Variants in SIPA1L3 observed in about 807,000 individuals in gnomAD.
SIPA1L3 encodes signal-induced proliferation-associated 1-like protein 3.
Under a neutral mutation model 150.1 loss-of-function variants are expected in SIPA1L3, and 59 were observed. The ratio of observed to expected loss-of-function variants is 0.39; its 90% CI spans 0.32 to 0.49. SIPA1L3 has a LOEUF of 0.49. Among genes scored for constraint, SIPA1L3 ranks in the 20% least tolerant of loss-of-function variants. The probability of loss-of-function intolerance (pLI) is 0.86; values close to 1 mark genes in which losing one functional copy is unlikely to be tolerated. For synonymous variants in SIPA1L3, 1,070 were observed against 1,077.6 expected, an observed-to-expected ratio of 0.99 and a Z score of 0.14; for missense variants, 2,211 against 2,489.5, an observed-to-expected ratio of 0.89 and a Z score of 2.38.
chr19:38,148,654 G>C (rs926824330), intron 12 of SIPA1L3, among the ~76,000 whole-genome samples: 2 of 152,086 alleles, frequency 1.3e-5, no homozygotes, highest in Non-Finnish European at 2.9e-5. Context: ...CTCTCTGCCC[G>C]GCGAGGCTCC....
chr19:38,006,017 G>A (rs1160552004), intron 1 of SIPA1L3, among the ~76,000 whole-genome samples: 1 of 152,212 alleles, frequency 6.6e-6, no homozygotes, highest in African/African-American at 2.4e-5. Context: ...AAGCCTGGGC[G>A]ACAGAGTGAG....
intron 2 of SIPA1L3, among the ~76,000 whole-genome samples, chr19:38,032,739 A>G (rs975418133): frequency 1.3e-5 from 2 of 152,044 alleles, no homozygotes; most frequent in African/African-American, 4.8e-5. Flanking sequence ...CTGTAATCCT[A>G]GCTACTTGAG....
At chr19:38,146,945 CTAAA>C (rs1395145719) in intron 12 of SIPA1L3, among the ~76,000 whole-genome samples, 3 of 152,176 alleles carry the variant, frequency 2.0e-5, no homozygotes, top group Non-Finnish European at 4.4e-5. Flanking sequence ...TTTGGACATT[CTAAA>C]TACAAGTCCT....
chr19:38,000,922 AC>A (rs1045588188), intron 1 of SIPA1L3, among the ~76,000 whole-genome samples: 28 of 105,930 alleles, frequency 2.6e-4, no homozygotes, highest in Non-Finnish European at 4.4e-4. Context: ...CATATATATA[AC>A]ATATATATAA....
At chr19:38,093,672 C>T (rs992731028) in intron 4 of SIPA1L3, among the ~76,000 whole-genome samples, 5 of 151,992 alleles carry the variant, frequency 3.3e-5, no homozygotes, top group African/African-American at 1.2e-4. Flanking sequence ...GCATAGGGGC[C>T]AGAGCGAGAG....
At chr19:37,924,284 T>C (rs1335488255) in intron 1 of SIPA1L3, among the ~76,000 whole-genome samples, 1 of 152,140 alleles carries the variant, frequency 6.6e-6, no homozygotes, top group Non-Finnish European at 1.5e-5. Flanking sequence ...GTATCACTCT[T>C]CCTCCTCCAC....
chr19:38,142,432 G>A (rs1042679554), intron 11 of SIPA1L3, 141 bp from the exon 12 acceptor site: 3 of 882,580 alleles, frequency 3.4e-6, no homozygotes, highest in Non-Finnish European at 5.2e-6. Context: ...ATAGCAGAAG[G>A]GATGTGGCTG....
chr19:37,933,243 G>A (rs562680317), intron 1 of SIPA1L3, among the ~76,000 whole-genome samples: 7 of 151,396 alleles, frequency 4.6e-5, no homozygotes, highest in East Asian at 1.9e-4. Context: ...TTCCTCCCTC[G>A]GAGACTTTGC....
At chr19:38,106,492 C>A in intron 6 of SIPA1L3, 45 bp from the exon 7 acceptor site, 1 of 1,349,654 alleles carries the variant, frequency 7.4e-7, no homozygotes, top group Non-Finnish European at 1.1e-6. Flanking sequence ...TGGCAAAAAC[C>A]CAGAGGTTTT....
chr19:37,920,456 A>G (rs1484931449), intron 1 of SIPA1L3, among the ~76,000 whole-genome samples: 1 of 152,188 alleles, frequency 6.6e-6, no homozygotes, highest in Admixed American at 6.6e-5. Flanking sequence ...ACAGGCAGAG[A>G]GTGCAGGGGC....
At chr19:38,192,419 C>T in intron 17 of SIPA1L3, 109 bp downstream of exon 17, 1 of 1,031,670 alleles carries the variant, frequency 9.7e-7, no homozygotes, top group Non-Finnish European at 1.4e-6. Flanking sequence ...CAGCTCCTTC[C>T]CGTCGTGTCC....
At chr19:37,931,134 C>T (rs1227354654) in intron 1 of SIPA1L3, among the ~76,000 whole-genome samples, 1 of 152,240 alleles carries the variant, frequency 6.6e-6, no homozygotes, top group Middle Eastern at 3.4e-3. Context: ...ATAAAGTGGA[C>T]CTGACTGACT....
intron 13 of SIPA1L3, among the ~76,000 whole-genome samples, chr19:38,160,718 C>G (rs948368028): frequency 3.3e-5 from 5 of 152,034 alleles, no homozygotes; most frequent in Non-Finnish European, 7.4e-5. Flanking sequence ...CCACAGCAGC[C>G]ACTACTCTTA....
At chr19:37,959,656 T>C (rs1239729350) in intron 1 of SIPA1L3, among the ~76,000 whole-genome samples, 1 of 152,216 alleles carries the variant, frequency 6.6e-6, no homozygotes, top group Non-Finnish European at 1.5e-5. Context: ...TGACGTTTGA[T>C]GTGATTGTTG....
intron 2 of SIPA1L3, among the ~76,000 whole-genome samples, chr19:38,039,431 C>A (rs907171554): frequency 9.9e-5 from 15 of 151,858 alleles, no homozygotes; most frequent in Non-Finnish European, 5.9e-5. Flanking sequence ...TGGTGGCTCA[C>A]GCCTGTAATC....
chr19:38,168,152 C>T (rs542329959), intron 15 of SIPA1L3, among the ~76,000 whole-genome samples: 9 of 152,118 alleles, frequency 5.9e-5, no homozygotes, highest in African/African-American at 2.2e-4. Context: ...TTTGGGAGGC[C>T]GAGGTGGGCG....
intron 1 of SIPA1L3, among the ~76,000 whole-genome samples, chr19:37,998,331 T>C (rs1291503829): frequency 6.6e-6 from 1 of 152,220 alleles, no homozygotes; most frequent in African/African-American, 2.4e-5. Context: ...AAAGAATTCA[T>C]AGTAATTTTT....
At chr19:38,032,251 C>T (rs1968669188) in intron 2 of SIPA1L3, among the ~76,000 whole-genome samples, 2 of 152,170 alleles carry the variant, frequency 1.3e-5, no homozygotes, top group African/African-American at 4.8e-5. Context: ...TAATCTAGCA[C>T]ATTCCTTTTT....
intron 2 of SIPA1L3, among the ~76,000 whole-genome samples, chr19:38,078,585 C>G: frequency 9.3e-6 from 1 of 107,292 alleles, no homozygotes; most frequent in Non-Finnish European, 2.0e-5. Flanking sequence ...GACACGCACA[C>G]ACACACAGAC....
Sources: allele counts gnomAD v4.1 joint callset (sites outside exome capture counted in the v4.1 genomes callset), GRCh38; gene constraint gnomAD v4.1.1; transcripts MANE v1.5; gene names NCBI Gene and HGNC (gene_info 2026-07-23, HGNC 2026-07-21).